Variants in PARD3B observed in about 807,000 individuals in gnomAD.
PARD3B encodes par-3 family cell polarity regulator beta.
Under a neutral mutation model 130.2 loss-of-function variants are expected in PARD3B, and 103 were observed. The ratio of observed to expected loss-of-function variants is 0.79; its 90% CI spans 0.67 to 0.93. The LOEUF (loss-of-function observed/expected upper bound fraction) is 0.93. PARD3B is among the 40% of genes least tolerant of loss of function. The pLI is 0.00. For synonymous variants in PARD3B, 583 were observed against 553.2 expected, an observed-to-expected ratio of 1.05 and a Z score of -0.76; for missense variants, 1,609 against 1,499.2, an observed-to-expected ratio of 1.07 and a Z score of -1.21.
Position 205,104,527 on chromosome 2 carries a change from T to C in PARD3B, c.593+13T>C, listed in dbSNP as rs1300840152. On this transcript the variant is annotated intron_variant, in intron 5 of 22. Transcript: ENST00000406610. ...AGGACACATTGAGGTATTCTCTTTA[T>C]ACAGATAAGAATATCTGATTTATTT... The C allele has an allele frequency of 7.0e-7, 1 of 1,433,616 alleles. No homozygotes were observed. The allele number at this position is 1,433,616 out of a possible 1,614,324, so 88.8% of individuals were successfully genotyped here.
rs2046437420 is a variant in PARD3B at position 205,407,034 on chromosome 2, G to A, written c.2741+5911G>A. On this transcript the variant is annotated intron_variant, in intron 19 of 22. Transcript: ENST00000406610. This position sits in a 1 kb window ranked among gnomAD's most constrained non-coding sequence, Gnocchi z 4.1. ...TCTGGGGTTCTTTTCAGATATTCCA[G>A]TATGAGAAATATCTAAATATCTTAA... is the stretch of plus-strand genomic sequence containing the variant. Among the ~76,000 whole-genome samples the A allele has an allele frequency of 6.6e-6, 1 of 152,084 alleles. No homozygotes were observed. The highest frequency in any genetic ancestry group is 6.6e-5 in the Admixed American group (1 of 15,266).
chr2:204,799,453 C>G lies in PARD3B; in HGVS notation c.222+113171C>G, dbSNP rs2042487160. ...CCTGGATCAAGGAAGACCTCATTAC[C>G]CTGACGGGGACACAAGCCTCTCTGG... On this transcript the variant is annotated intron_variant, in intron 2 of 22. Coordinates refer to ENST00000406610, the MANE Select transcript of PARD3B (RefSeq NM_001302769.2). The surrounding 1 kb of genome is among the most constrained non-coding windows in gnomAD (Gnocchi z 4.1). Among the ~76,000 whole-genome samples, 1 of 152,166 alleles carries G rather than the reference C, an allele frequency of 6.6e-6. No individual in the cohort carries two copies. The highest frequency in any genetic ancestry group is 1.5e-5 in the Non-Finnish European group (1 of 68,032).
chr2:205,129,676 C>A (rs1293896952), intron 10 of PARD3B, among the ~76,000 whole-genome samples: 1 of 152,198 alleles, frequency 6.6e-6, no homozygotes, highest in African/African-American at 2.4e-5. Flanking sequence ...TCTGCGAGCT[C>A]TGTACCTTCT....
At chr2:205,137,982 G>A (rs1221196463) in intron 10 of PARD3B, among the ~76,000 whole-genome samples, 1 of 152,200 alleles carries the variant, frequency 6.6e-6, no homozygotes, top group African/African-American at 2.4e-5. Context: ...CTTTCAGGAT[G>A]GAAAGAGCAC....
At chr2:205,272,580 G>A (rs2040772643) in intron 16 of PARD3B, among the ~76,000 whole-genome samples, 1 of 152,166 alleles carries the variant, frequency 6.6e-6, no homozygotes, top group African/African-American at 2.4e-5. Flanking sequence ...GACAGAGGAG[G>A]CAGGCAGGCT....
At chr2:205,099,452 T>C (rs953871413) in intron 4 of PARD3B, among the ~76,000 whole-genome samples, 11 of 152,210 alleles carry the variant, frequency 7.2e-5, no homozygotes, top group Non-Finnish European at 4.4e-5. Context: ...CTCAAAGTCA[T>C]TTAAATAAGC....
At chr2:204,859,834 T>A (rs58687976) in intron 2 of PARD3B, among the ~76,000 whole-genome samples, 18 of 152,200 alleles carry the variant, frequency 1.2e-4, no homozygotes, top group African/African-American at 4.3e-4. Flanking sequence ...AATTTCCTGG[T>A]GGCCTTAGGG....
Position 205,446,865 on chromosome 2 carries a change from A to G in PARD3B, c.3044+6193A>G, listed in dbSNP as rs1050703893. 5.9e-5 allele frequency among the ~76,000 whole-genome samples: 9 copies of G among 152,196 alleles called. No homozygotes were observed. The highest frequency in any genetic ancestry group is 2.2e-4 in the African/African-American group (9 of 41,450). On this transcript the variant is annotated intron_variant, in intron 20 of 22. Transcript: ENST00000406610. The surrounding 1 kb of genome is among the most constrained non-coding windows in gnomAD (Gnocchi z 4.4). ...ATTGAAAGGGCTCCCAGAGTGTATG[A>G]ACATGAAAACTTTATGTCTGGATGA... is the stretch of plus-strand genomic sequence containing the variant.
chr2:204,963,715 A>C (rs1690951027), intron 2 of PARD3B, among the ~76,000 whole-genome samples: 1 of 152,160 alleles, frequency 6.6e-6, no homozygotes, highest in Non-Finnish European at 1.5e-5. Flanking sequence ...TACTAGAATA[A>C]TCTTTCATTA....
rs2125890661 is a variant in PARD3B, at chr2:205,229,725, C to T, written c.2141-16053C>T. On this transcript the variant is annotated intron_variant, in intron 15 of 22. Coordinates refer to ENST00000406610, the MANE Select transcript of PARD3B (RefSeq NM_001302769.2). The surrounding 1 kb of genome is among the most constrained non-coding windows in gnomAD (Gnocchi z 5.2). Reference sequence around the variant, plus strand: ...GCAATAAGCAGGTGGTAAAGCCACCCAGGCTTGTGTCCTTCCCTTCAGGAC... The same window carrying T: ...GCAATAAGCAGGTGGTAAAGCCACCTAGGCTTGTGTCCTTCCCTTCAGGAC... 6.6e-6 allele frequency among the ~76,000 whole-genome samples: 1 copy of T among 152,206 alleles called. No homozygotes were observed. Among genetic ancestry groups the T allele is most frequent in the East Asian group, 1.9e-4 (1 of 5,136 alleles).
At chr2:204,759,322 A>G (rs1185678835) in intron 2 of PARD3B, among the ~76,000 whole-genome samples, 1 of 152,308 alleles carries the variant, frequency 6.6e-6, no homozygotes. Flanking sequence ...TCAAATAAGT[A>G]TAAATTAAAA....
chr2:205,178,336 C>G (rs973264221), intron 13 of PARD3B, among the ~76,000 whole-genome samples: 1 of 151,674 alleles, frequency 6.6e-6, no homozygotes, highest in African/African-American at 2.4e-5. Flanking sequence ...ACCTGTAGTC[C>G]CAGCTACTCG....
intron 14 of PARD3B, among the ~76,000 whole-genome samples, chr2:205,190,150 CCTTA>C (rs1483056640): frequency 6.6e-6 from 1 of 152,152 alleles, no homozygotes; most frequent in Non-Finnish European, 1.5e-5. Flanking sequence ...GTCATTGCCA[CCTTA>C]CTTTTTAAAC....
intron 4 of PARD3B, among the ~76,000 whole-genome samples, chr2:205,057,547 G>T (rs1699765108): frequency 6.9e-6 from 1 of 145,592 alleles, no homozygotes; most frequent in African/African-American, 2.5e-5. Flanking sequence ...ATGTATATGT[G>T]TATATGTATA....
chr2:205,429,505 G>T (rs2047256922), intron 19 of PARD3B, among the ~76,000 whole-genome samples: 1 of 152,112 alleles, frequency 6.6e-6, no homozygotes, highest in Non-Finnish European at 1.5e-5. Context: ...TGAAAGAAAT[G>T]ATTAAATGAA....
At chr2:205,495,036 T>C (rs1399217465) in intron 20 of PARD3B, among the ~76,000 whole-genome samples, 1 of 152,166 alleles carries the variant, frequency 6.6e-6, no homozygotes, top group Non-Finnish European at 1.5e-5. Context: ...AGATGAACAC[T>C]CATTTTAAAA....
Position 205,161,037 on chromosome 2 carries a change from G to A in PARD3B, c.1620+2130G>A, listed in dbSNP as rs849117. 5.9e-3 allele frequency among the ~76,000 whole-genome samples: 896 copies of A among 152,266 alleles called. 6 individuals are homozygous for A. Among genetic ancestry groups the A allele is most frequent in the African/African-American group, 0.02 (839 of 41,556 alleles). On this transcript the variant is annotated intron_variant, in intron 11 of 22. Coordinates refer to ENST00000406610, the MANE Select transcript of PARD3B (RefSeq NM_001302769.2). ...TGAGGATGAGTTCTTGGTCATGTTT[G>A]TGGATACCAGCTTGAAATTAGTCTT...
Position 205,172,340 on chromosome 2 carries a change from A to C in PARD3B, c.1750A>C (p.Ile584Leu), listed in dbSNP as rs763507599. Residue 584 changes from isoleucine (I) to leucine (L), a missense_variant, in exon 12 of 23, where the codon ATC becomes CTC. Ile to Leu is a conservative substitution (Grantham distance 5). Coordinates refer to ENST00000406610, the MANE Select transcript of PARD3B (RefSeq NM_001302769.2). ...MSMEGNIRGMIQLVILRRPER... is the reference protein window; with the variant it reads ...MSMEGNIRGMLQLVILRRPER... ...CATGGAGGGAAACATCCGAGGGATG[A>C]TCCAGTTGGTGATTCTGAGGAGGCC... 1 of 1,614,128 alleles carries C rather than the reference A, an allele frequency of 6.2e-7. No homozygotes were observed. The highest frequency in any genetic ancestry group is 8.5e-7 in the Non-Finnish European group (1 of 1,179,992).
chr2:205,004,967 G>A (rs1406977612), intron 3 of PARD3B, among the ~76,000 whole-genome samples: 1 of 152,146 alleles, frequency 6.6e-6, no homozygotes, highest in African/African-American at 2.4e-5. Context: ...TAGTAGGAGA[G>A]TCAGTATAAT....
Sources: allele counts gnomAD v4.1 joint callset (sites outside exome capture counted in the v4.1 genomes callset), GRCh38; gene constraint gnomAD v4.1.1; non-coding constraint Gnocchi (gnomAD v3.1); transcripts MANE v1.5; gene names NCBI Gene and HGNC (gene_info 2026-07-23, HGNC 2026-07-21).